TTF2: variants seen among roughly 807,000 people sequenced by gnomAD.
TTF2 encodes the protein transcription termination factor 2.
TTF2 carries 108 observed loss-of-function variants against 142.4 expected under a neutral mutation model. The observed-to-expected ratio is 0.76, with a 90% CI of 0.65 to 0.89. The LOEUF (loss-of-function observed/expected upper bound fraction) is 0.89. Among genes scored for constraint, TTF2 ranks in the 40% least tolerant of loss-of-function variants. The pLI is 0.00. For missense variants in TTF2, 1,327 were observed against 1,379.8 expected (o/e 0.96, Z 0.61); for synonymous variants, 483 against 506.2 (o/e 0.95, Z 0.61).
In TTF2 at chr1:117,104,721, T is replaced by A. The variant is rs1649822474; in HGVS notation, c.*3197T>A. 1 of 152,236 alleles carries A rather than the reference T, an allele frequency of 6.6e-6. No individual in the cohort carries two copies. The highest frequency in any genetic ancestry group is 6.5e-5 in the Admixed American group (1 of 15,278). The allele number at this position is 152,236 out of a possible 1,614,324, so 9.4% of individuals were successfully genotyped here. On this transcript the variant is annotated 3_prime_UTR_variant, in exon 23 of 23. Coordinates refer to ENST00000369466, the MANE Select transcript of TTF2 (RefSeq NM_003594.4). Reference sequence around the variant, plus strand: ...CTAAACATGCATTCTTAAATCCTAGTGCTGGGATGGATTACATGAATTACA... The same window carrying A: ...CTAAACATGCATTCTTAAATCCTAGAGCTGGGATGGATTACATGAATTACA...
intron 3 of TTF2, among the ~76,000 whole-genome samples, chr1:117,072,614 G>A (rs1189970918): frequency 6.6e-6 from 1 of 151,758 alleles, no homozygotes; most frequent in Admixed American, 6.6e-5. Flanking sequence ...TAGTAGAGAC[G>A]GGATTTCACC....
At chr1:117,060,788 T>A (rs1276922920) in intron 2 of TTF2, among the ~76,000 whole-genome samples, 2 of 152,224 alleles carry the variant, frequency 1.3e-5, no homozygotes, top group Admixed American at 1.3e-4. Context: ...TCTGGGCCGA[T>A]GGTTCCCCTA....
rs1382273683 is a variant in TTF2, at chr1:117,075,330, G to A, written c.746G>A (p.Arg249Lys). Residue 249 changes from arginine to lysine, a missense_variant, in exon 5 of 23, where the codon AGA (arginine) becomes AAA (lysine). Transcript: ENST00000369466. This position sits in a 1 kb window ranked among gnomAD's most constrained non-coding sequence, Gnocchi z 4.5. The stretch of plus-strand genomic sequence containing the variant: ...AGTGGTAAGAGTCAAGATGTCCAAA[G>A]AGAATCAGAACCTCTGAGAGAAAAG... ...KSSGKSQDVQRESEPLREKVT... is the reference protein window; with the variant it reads ...KSSGKSQDVQKESEPLREKVT... 6.2e-7 allele frequency: 1 copy of A among 1,614,062 alleles called. No individual in the cohort carries two copies. Among genetic ancestry groups the A allele is most frequent in the African/African-American group, 1.3e-5 (1 of 74,932 alleles).
At position 117,082,090 on chromosome 1, in the gene TTF2, A is replaced by G. The variant is rs112995865; in HGVS notation, c.1903+143A>G. 8.9e-6 allele frequency: 11 copies of G among 1,232,492 alleles called. No homozygotes were observed. The Admixed American group carries it at 1.7e-4, about 19-fold the overall frequency. The allele number at this position is 1,232,492 out of a possible 1,614,324, so 76.3% of individuals were successfully genotyped here. Reference sequence around the variant, plus strand: ...ACCAGTATTAGATTACTCACCTATCATATCATTTCTGATGCTGAGTATGCT... The same window carrying G: ...ACCAGTATTAGATTACTCACCTATCGTATCATTTCTGATGCTGAGTATGCT... On this transcript the variant is annotated intron_variant, in intron 10 of 22. Transcript: ENST00000369466.
At chr1:117,091,738 C>T in intron 16 of TTF2, 79 bp from the exon 17 acceptor site, 1 of 1,513,594 alleles carries the variant, frequency 6.6e-7, no homozygotes, top group Non-Finnish European at 8.9e-7. Context: ...GTTAAAGTAG[C>T]CCCATGTAGT....
intron 10 of TTF2, chr1:117,082,150 C>T: frequency 2.7e-6 from 2 of 729,520 alleles, no homozygotes; most frequent in Non-Finnish European, 4.4e-6. Flanking sequence ...TATAAATTTG[C>T]CTATAAACTA....
chr1:117,083,994 C>T, intron 10 of TTF2, 24 bp from the exon 11 acceptor site: 1 of 1,613,142 alleles, frequency 6.2e-7, no homozygotes, highest in Non-Finnish European at 8.5e-7. Flanking sequence ...TGTAACTAGG[C>T]ACTGATTTTT....
rs541686167 is a variant in TTF2 at position 117,100,204 on chromosome 1, ATTC to A, written c.3345-1171_3345-1169del. ...CTCTTCCTATTATCTCAAATCTGCT[ATTC>A]TTCTGTAGTCATTGTCTTTGTGAAT... is the stretch of plus-strand genomic sequence containing the variant. On this transcript the variant is annotated intron_variant, in intron 22 of 22. Transcript: ENST00000369466. The surrounding 1 kb of genome is among the most constrained non-coding windows in gnomAD (Gnocchi z 4.6). 3.3e-5 allele frequency among the ~76,000 whole-genome samples: 5 copies of A among 152,350 alleles called. 1 individual carries two copies. In the South Asian group the frequency reaches 8.3e-4, roughly 25 times the overall value.
rs1227237002 is a variant in TTF2 at position 117,101,544 on chromosome 1, C to T, written c.*20C>T. 1.3e-6 allele frequency: 2 copies of T among 1,554,136 alleles called. No homozygotes were observed. Among genetic ancestry groups the T allele is most frequent in the Non-Finnish European group, 1.7e-6 (2 of 1,158,474 alleles). On this transcript the variant is annotated 3_prime_UTR_variant, in exon 23 of 23. Transcript: ENST00000369466. This position sits in a 1 kb window ranked among gnomAD's most constrained non-coding sequence, Gnocchi z 5.9. Reference sequence around the variant, plus strand: ...ATCTAACCTCCTGTGGATAAGGGCTCAGAATAGCACCATTGCTGGTTTGTA... The same window carrying T: ...ATCTAACCTCCTGTGGATAAGGGCTTAGAATAGCACCATTGCTGGTTTGTA...
At position 117,099,072 on chromosome 1, in the gene TTF2, A is replaced by T. The variant is rs1188655252; in HGVS notation, c.3344+165A>T. 6.6e-6 allele frequency among the ~76,000 whole-genome samples: 1 copy of T among 152,114 alleles called. No individual in the cohort carries two copies. The highest frequency in any genetic ancestry group is 1.9e-4 in the East Asian group (1 of 5,182). ...GCAAACCACAGTCAGGAGAAAAACG[A>T]GCAATTTGGGGTAAGCTTGAAGTTG... On this transcript the variant is annotated intron_variant, in intron 22 of 22. Coordinates refer to ENST00000369466, the MANE Select transcript of TTF2 (RefSeq NM_003594.4). This position sits in a 1 kb window ranked among gnomAD's most constrained non-coding sequence, Gnocchi z 4.3.
intron 2 of TTF2, among the ~76,000 whole-genome samples, chr1:117,061,734 A>T (rs1446289608): frequency 1.3e-5 from 2 of 152,190 alleles, no homozygotes; most frequent in Non-Finnish European, 2.9e-5. Flanking sequence ...CATCTACACA[A>T]ATGCTTTGCT....
intron 3 of TTF2, among the ~76,000 whole-genome samples, chr1:117,067,524 C>CAAAAAAA (rs1161287519): frequency 2.4e-5 from 1 of 40,938 alleles, no homozygotes; most frequent in African/African-American, 8.1e-5. Context: ...GACTCAGTCT[C>CAAAAAAA]AAAAAAAAAA....
rs1301824172 is a variant in TTF2, at chr1:117,106,864, C to G, written c.*5340C>G. 2 of 152,200 alleles carry G rather than the reference C, an allele frequency of 1.3e-5. No homozygotes were observed. Among genetic ancestry groups the G allele is most frequent in the African/African-American group, 4.8e-5 (2 of 41,456 alleles). 9.4% of individuals were successfully genotyped at this position (152,200 alleles called of 1,614,324 possible). A position where few individuals can be genotyped will look rare whatever the true frequency, so the allele number is the denominator to read the frequency against. Reference sequence around the variant, plus strand: ...ATACATTCTCTGGAGGAAAGTTGAGCAACTATTGCATTTGGGACATTAGAG... The same window carrying G: ...ATACATTCTCTGGAGGAAAGTTGAGGAACTATTGCATTTGGGACATTAGAG... On this transcript the variant is annotated 3_prime_UTR_variant, in exon 23 of 23. Transcript: ENST00000369466.
rs75201957 is a variant in TTF2, at chr1:117,081,586, G to A, written c.1784-242G>A. On this transcript the variant is annotated intron_variant, in intron 9 of 22. Coordinates refer to ENST00000369466, the MANE Select transcript of TTF2 (RefSeq NM_003594.4). The stretch of plus-strand genomic sequence containing the variant: ...GACTAGAATAATATTCAAATTGTAA[G>A]TTTTAAATTTTACAAGAGTCATAGT... Among the ~76,000 whole-genome samples, 39 of 152,322 alleles carry A rather than the reference G, an allele frequency of 2.6e-4. No homozygotes were observed. The East Asian group carries it at 6.9e-3, about 27-fold the overall frequency.
Position 117,090,200 on chromosome 1 carries a change from A to C in TTF2, c.2488A>C (p.Arg830=), listed in dbSNP as rs750482787. The C allele has an allele frequency of 6.2e-7, 1 of 1,613,922 alleles. No individual in the cohort carries two copies. Among genetic ancestry groups the C allele is most frequent in the South Asian group, 1.1e-5 (1 of 90,996 alleles). ...AAAAGACCAGCTGGACTCTACTGGCAGACCTTTGGTAATCAAGTTTGTACC... is the reference window on the plus strand; with the variant it reads ...AAAAGACCAGCTGGACTCTACTGGCCGACCTTTGGTAATCAAGTTTGTACC... The part of the protein sequence containing the change: ...RTKDQLDSTG[R]PLVILPQRKF... Residue 830 remains arginine (R), a synonymous_variant, in exon 14 of 23, where the codon AGA becomes CGA. Transcript: ENST00000369466. The surrounding 1 kb of genome is among the most constrained non-coding windows in gnomAD (Gnocchi z 4.8).
chr1:117,073,784 A>G lies in TTF2; in HGVS notation c.285+57A>G. ...TGTGTTAAGACTTTTAATATGCAGC[A>G]TCACCTGAAAATACCTTGAAGTTCA... On this transcript the variant is annotated intron_variant, in intron 4 of 22. Transcript: ENST00000369466. The surrounding 1 kb of genome is among the most constrained non-coding windows in gnomAD (Gnocchi z 4.4). 6.6e-7 allele frequency: 1 copy of G among 1,510,964 alleles called. No individual in the cohort carries two copies. The highest frequency in any genetic ancestry group is 1.8e-4 in the Middle Eastern group (1 of 5,488). 93.6% of individuals were successfully genotyped at this position (1,510,964 alleles called of 1,614,324 possible).
intron 13 of TTF2, 128 bp downstream of exon 13, chr1:117,089,110 C>T (rs1648309456): frequency 4.3e-6 from 4 of 925,426 alleles, no homozygotes; most frequent in Non-Finnish European, 6.1e-6. Flanking sequence ...GGCCTGTCAA[C>T]CTTTAAAGGA....
rs1419578307 is a variant in TTF2, at chr1:117,091,356, C to G, written c.2617C>G (p.His873Asp). The change falls in exon 16 of 23, where the codon CAT (histidine) becomes GAT (aspartate). Residue 873 changes from histidine to aspartate, a missense_variant. Physicochemically the swap from His to Asp is moderately conservative, Grantham distance 81. Coordinates refer to ENST00000369466, the MANE Select transcript of TTF2 (RefSeq NM_003594.4). ...RSALQSYLKR[H>D]ESRGNQSGRS... is the part of the protein sequence containing the mutation. ...AGCTCTGCAATCCTATCTAAAAAGA[C>G]ATGAAAGTAGAGGCAACCAATCTGG... 4.3e-6 allele frequency: 7 copies of G among 1,613,078 alleles called. No individual in the cohort carries two copies. Among genetic ancestry groups the G allele is most frequent in the Non-Finnish European group, 5.9e-6 (7 of 1,179,852 alleles).
Position 117,086,267 on chromosome 1 carries a change from G to GTA in TTF2, c.2055-149_2055-148insAT. 1.7e-6 allele frequency: 1 copy of GTA among 590,306 alleles called. No individual in the cohort carries two copies. Among genetic ancestry groups the GTA allele is most frequent in the Non-Finnish European group, 3.1e-6 (1 of 326,470 alleles). 36.6% of individuals were successfully genotyped at this position (590,306 alleles called of 1,614,324 possible). The stretch of plus-strand genomic sequence containing the variant: ...CCAAAATGTGTGTGTGTGTGTGTGT[G>GTA]TGTGCGTGTGTGTGTTAAGGACACA... On this transcript the variant is annotated intron_variant, in intron 11 of 22. Transcript: ENST00000369466. This position sits in a 1 kb window ranked among gnomAD's most constrained non-coding sequence, Gnocchi z 4.2.
Sources: gnomAD v4.1 joint callset for allele counts (sites outside exome capture counted in the v4.1 genomes callset) on GRCh38, gnomAD v4.1.1 for gene constraint, Gnocchi (gnomAD v3.1) non-coding constraint, MANE v1.5 for transcripts, NCBI Gene and HGNC (gene_info 2026-07-23, HGNC 2026-07-21) for gene names.